Variants in SRGAP3 observed in about 807,000 individuals in gnomAD.
The protein encoded by SRGAP3 is SLIT-ROBO Rho GTPase activating protein 3.
A neutral mutation model predicts 121.1 loss-of-function variants in SRGAP3; 39 were observed. The ratio of observed to expected loss-of-function variants is 0.32; its 90% CI spans 0.25 to 0.42. The LOEUF is 0.42. SRGAP3 is among the 10% of genes least tolerant of loss of function. The probability of loss-of-function intolerance (pLI) is 1.00; values close to 1 mark genes in which losing one functional copy is unlikely to be tolerated. For synonymous variants in SRGAP3, 601 were observed against 570.0 expected, an observed-to-expected ratio of 1.05 and a Z score of -0.77; for missense variants, 1,213 against 1,470.6, an observed-to-expected ratio of 0.82 and a Z score of 2.86.
intron 1 of SRGAP3, among the ~76,000 whole-genome samples, chr3:9,215,437 C>T (rs1252506158): frequency 6.6e-6 from 1 of 152,220 alleles, no homozygotes; most frequent in Non-Finnish European, 1.5e-5. Flanking sequence ...CTCTGCCTCC[C>T]TCCCAGAGCT....
chr3:9,036,579 A>AAAAC (rs1944755256), intron 11 of SRGAP3: 1 of 152,252 alleles, frequency 6.6e-6, no homozygotes, highest in Admixed American at 6.5e-5. Context: ...AAAACAAAAC[A>AAAAC]AAACAAAACA....
At chr3:9,192,213 A>G (rs1419965474) in intron 1 of SRGAP3, among the ~76,000 whole-genome samples, 1 of 152,182 alleles carries the variant, frequency 6.6e-6, no homozygotes, top group Non-Finnish European at 1.5e-5. Flanking sequence ...GCCCCCGGGA[A>G]ATAACCTCTG....
At chr3:9,247,116 C>G (rs1286871483) in intron 1 of SRGAP3, among the ~76,000 whole-genome samples, 1 of 152,190 alleles carries the variant, frequency 6.6e-6, no homozygotes, top group Non-Finnish European at 1.5e-5. Flanking sequence ...ATCCCCTTCT[C>G]TCTCAAGGCA....
At chr3:9,282,063 A>C (rs961258542) in intron 3 of SRGAP3, among the ~76,000 whole-genome samples, 1 of 152,172 alleles carries the variant, frequency 6.6e-6, no homozygotes, top group Non-Finnish European at 1.5e-5. Flanking sequence ...CCTCTTTCCA[A>C]ACCCTGTCTT....
At chr3:9,351,208 T>C (rs1468594403) in intron 1 of SRGAP3, among the ~76,000 whole-genome samples, 1 of 152,198 alleles carries the variant, frequency 6.6e-6, no homozygotes, top group Non-Finnish European at 1.5e-5. Context: ...AGATACCACC[T>C]TTTCTAGAAA....
intron 3 of SRGAP3, among the ~76,000 whole-genome samples, chr3:9,085,709 A>G (rs1285242983): frequency 6.6e-6 from 1 of 152,230 alleles, no homozygotes; most frequent in East Asian, 1.9e-4. Flanking sequence ...CTAACACAGT[A>G]ACAGAAAACC....
intron 1 of SRGAP3, among the ~76,000 whole-genome samples, chr3:9,144,727 T>C (rs1259590971): frequency 6.6e-6 from 1 of 152,238 alleles, no homozygotes; most frequent in Non-Finnish European, 1.5e-5. Context: ...CATGTGGAAC[T>C]GTAAGTTCAA....
At chr3:9,280,874 C>A (rs1415200064) in intron 3 of SRGAP3, among the ~76,000 whole-genome samples, 1 of 152,188 alleles carries the variant, frequency 6.6e-6, no homozygotes, top group Non-Finnish European at 1.5e-5. Context: ...ACGCAAGCCA[C>A]TCCAATAAGA....
chr3:9,019,318 C>T (rs1943796345), intron 14 of SRGAP3, among the ~76,000 whole-genome samples: 1 of 152,132 alleles, frequency 6.6e-6, no homozygotes, highest in African/African-American at 2.4e-5. Context: ...TATATTCCTA[C>T]CAGCAACACC....
intron 3 of SRGAP3, among the ~76,000 whole-genome samples, chr3:9,101,331 C>T (rs1224907193): frequency 6.6e-6 from 1 of 152,196 alleles, no homozygotes; most frequent in Non-Finnish European, 1.5e-5. Context: ...ATTCTCAGTC[C>T]CATGGGTCAG....
upstream of SRGAP3, among the ~76,000 whole-genome samples, chr3:9,250,573 G>A (rs767765161): frequency 3.9e-5 from 6 of 152,216 alleles, no homozygotes; most frequent in Non-Finnish European, 8.8e-5. Flanking sequence ...CATCGGGAAT[G>A]AGAGGAGCTC....
intron 3 of SRGAP3, among the ~76,000 whole-genome samples, chr3:9,270,705 T>G (rs1037174848): frequency 5.9e-5 from 9 of 152,246 alleles, no homozygotes; most frequent in African/African-American, 2.2e-4. Flanking sequence ...AGATGGATAT[T>G]GACCAGACAA....
chr3:9,083,424 T>C (rs577978076), intron 3 of SRGAP3, among the ~76,000 whole-genome samples: 1 of 152,362 alleles, frequency 6.6e-6, no homozygotes, highest in East Asian at 1.9e-4. Context: ...AAATAATCTA[T>C]GAATAAACAA....
In SRGAP3 at chr3:9,204,649, GT is replaced by G. The variant is rs1308002095; in HGVS notation, c.67+44235del. ...AAACGAGGTACCAACTCTCCCTAAG[GT>G]CTTTTTTTTTTTTAAGTCCTAAGTG... On this transcript the variant is annotated intron_variant, in intron 1 of 21. Transcript: ENST00000383836. 5.2e-4 allele frequency among the ~76,000 whole-genome samples: 31 copies of G among 59,318 alleles called. 2 individuals carry two copies. The highest frequency in any genetic ancestry group is 2.4e-3 in the African/African-American group (31 of 12,992). 38.9% of individuals were successfully genotyped at this position (59,318 alleles called of 152,430 possible).
intron 1 of SRGAP3, among the ~76,000 whole-genome samples, chr3:9,156,588 A>C (rs1950423956): frequency 1.3e-5 from 2 of 152,216 alleles, no homozygotes; most frequent in Non-Finnish European, 2.9e-5. Context: ...AGGGAGCCCA[A>C]GTCTCACCCC....
intron 10 of SRGAP3, among the ~76,000 whole-genome samples, chr3:9,039,373 C>T (rs1166894895): frequency 6.6e-6 from 1 of 152,190 alleles, no homozygotes; most frequent in African/African-American, 2.4e-5. Context: ...CACATCCTCT[C>T]TAAGTGACCG....
chr3:8,996,172 G>A (rs1456971694), intron 18 of SRGAP3, among the ~76,000 whole-genome samples: 1 of 152,210 alleles, frequency 6.6e-6, no homozygotes, highest in Non-Finnish European at 1.5e-5. Context: ...AGGATTAAGT[G>A]AGTGAATATA....
At chr3:9,232,002 C>T (rs897640414) in intron 1 of SRGAP3, among the ~76,000 whole-genome samples, 3 of 152,212 alleles carry the variant, frequency 2.0e-5, no homozygotes, top group African/African-American at 7.2e-5. Context: ...CTGACTGAAA[C>T]TCGGTAAATT....
intron 18 of SRGAP3, among the ~76,000 whole-genome samples, chr3:8,995,490 A>G (rs1201099326): frequency 6.6e-6 from 1 of 152,100 alleles, no homozygotes; most frequent in East Asian, 1.9e-4. Context: ...CAAACAAACA[A>G]AAGTTCTTGT....
Sources: allele counts gnomAD v4.1 joint callset (sites outside exome capture counted in the v4.1 genomes callset), GRCh38; gene constraint gnomAD v4.1.1; transcripts MANE v1.5; gene names NCBI Gene and HGNC (gene_info 2026-07-23, HGNC 2026-07-21).